L3MBTL4: variants seen among roughly 807,000 people sequenced by gnomAD.
The protein encoded by L3MBTL4 is L3MBTL histone methyl-lysine binding protein 4.
Under a neutral mutation model 84.5 loss-of-function variants are expected in L3MBTL4, and 70 were observed. That is an observed-to-expected ratio of 0.83 (90% CI 0.68 to 1.01). The LOEUF is 1.01. L3MBTL4 is among the 50% of genes least tolerant of loss of function. The pLI is 0.00. For missense variants in L3MBTL4, 715 were observed against 754.8 expected, an observed-to-expected ratio of 0.95 and a Z score of 0.62; for synonymous variants, 274 against 259.8, an observed-to-expected ratio of 1.05 and a Z score of -0.52.
intron 10 of L3MBTL4, among the ~76,000 whole-genome samples, chr18:6,236,398 A>C (rs2047216540): frequency 6.6e-6 from 1 of 152,238 alleles, no homozygotes; most frequent in Admixed American, 6.5e-5. Context: ...CTAGCATGTT[A>C]ATGATGGCAT....
chr18:6,089,465 G>T (rs2058367995), intron 15 of L3MBTL4, among the ~76,000 whole-genome samples: 1 of 152,134 alleles, frequency 6.6e-6, no homozygotes, highest in Non-Finnish European at 1.5e-5. Flanking sequence ...CGCATCATAA[G>T]GTGACTCTGA....
intron 4 of L3MBTL4, among the ~76,000 whole-genome samples, chr18:6,276,654 TA>T (rs60947386): frequency 0.26 from 32,823 of 125,032 alleles, 3,611 homozygotes; most frequent in Middle Eastern, 0.28. Flanking sequence ...AACAAAGCAT[TA>T]AAAAAAAAAA....
intron 14 of L3MBTL4, among the ~76,000 whole-genome samples, chr18:6,122,647 T>C (rs1413292111): frequency 6.6e-6 from 1 of 152,176 alleles, no homozygotes; most frequent in Non-Finnish European, 1.5e-5. Context: ...TTTTGTAAAT[T>C]GCGCAGTCTT....
intron 13 of L3MBTL4, among the ~76,000 whole-genome samples, chr18:6,165,934 C>A (rs545623447): frequency 1.2e-3 from 183 of 152,120 alleles, no homozygotes; most frequent in Middle Eastern, 0.01. Context: ...TTCAGGAAAC[C>A]CATCTCACGT....
chr18:6,172,371 C>T (rs1313034913), intron 12 of L3MBTL4, among the ~76,000 whole-genome samples: 1 of 152,106 alleles, frequency 6.6e-6, no homozygotes, highest in African/African-American at 2.4e-5. Flanking sequence ...GGGAAATACA[C>T]AGATTAGAGT....
At chr18:6,337,054 G>T (rs996377209) in intron 1 of L3MBTL4, among the ~76,000 whole-genome samples, 1 of 152,132 alleles carries the variant, frequency 6.6e-6, no homozygotes, top group Admixed American at 6.5e-5. Context: ...GATTGACATT[G>T]CAGTAATCTG....
chr18:6,164,505 C>T (rs931718620), intron 13 of L3MBTL4, among the ~76,000 whole-genome samples: 8 of 152,214 alleles, frequency 5.3e-5, no homozygotes, highest in Non-Finnish European at 1.2e-4. Context: ...GATCAGGCAG[C>T]AGCATTTGCA....
chr18:6,204,640 A>G lies in L3MBTL4; in HGVS notation c.981+8509T>C, dbSNP rs1270975396. Among the ~76,000 whole-genome samples the G allele has an allele frequency of 2.0e-5, 3 of 152,288 alleles. No homozygotes were observed. The East Asian group carries it at 5.8e-4, about 29-fold the overall frequency. On this transcript the variant is annotated intron_variant, in intron 12 of 18. Coordinates refer to ENST00000317931, the MANE Select transcript of L3MBTL4 (RefSeq NM_001330559.2). Reference sequence around the variant, plus strand: ...GCATTTGGTGTTTGGAAATGCAAATAAAACAAGGCATGTTATATACTTTTT... The same window carrying G: ...GCATTTGGTGTTTGGAAATGCAAATGAAACAAGGCATGTTATATACTTTTT...
intron 16 of L3MBTL4, among the ~76,000 whole-genome samples, chr18:6,021,704 T>C (rs899865795): frequency 5.3e-5 from 8 of 151,988 alleles, no homozygotes; most frequent in African/African-American, 1.7e-4. Context: ...CAAACGGAGG[T>C]AAGTTGAGAA....
At chr18:6,007,349 A>T (rs1048791272) in intron 16 of L3MBTL4, among the ~76,000 whole-genome samples, 3 of 152,102 alleles carry the variant, frequency 2.0e-5, no homozygotes, top group Non-Finnish European at 4.4e-5. Context: ...CATAATACAA[A>T]AACTTACTTG....
At chr18:6,174,995 G>A (rs1341029084) in intron 12 of L3MBTL4, among the ~76,000 whole-genome samples, 2 of 151,942 alleles carry the variant, frequency 1.3e-5, no homozygotes, top group East Asian at 3.9e-4. Flanking sequence ...AGGAATAGTG[G>A]TCAAACAAAA....
intron 16 of L3MBTL4, among the ~76,000 whole-genome samples, chr18:5,977,051 C>T (rs1970646): frequency 0.041 from 6,185 of 152,086 alleles, 260 homozygotes; most frequent in South Asian, 0.2. Context: ...CTTGGGGCTC[C>T]GGCTGTCAGG....
intron 13 of L3MBTL4, among the ~76,000 whole-genome samples, chr18:6,146,359 G>A (rs1294486278): frequency 6.6e-6 from 1 of 152,144 alleles, no homozygotes; most frequent in Non-Finnish European, 1.5e-5. Context: ...AGAAGTCTGA[G>A]GACTGAACTC....
intron 13 of L3MBTL4, among the ~76,000 whole-genome samples, chr18:6,158,608 C>G (rs1422996923): frequency 6.6e-6 from 1 of 152,164 alleles, no homozygotes; most frequent in Non-Finnish European, 1.5e-5. Flanking sequence ...TTCCTTCATG[C>G]TGGCATTGGA....
chr18:6,147,836 C>T (rs2042719795), intron 13 of L3MBTL4, among the ~76,000 whole-genome samples: 1 of 152,240 alleles, frequency 6.6e-6, no homozygotes, highest in Non-Finnish European at 1.5e-5. Flanking sequence ...AGACCACTTC[C>T]TTAATAAAGA....
At chr18:6,290,445 T>A (rs1448853849) in intron 4 of L3MBTL4, among the ~76,000 whole-genome samples, 1 of 152,184 alleles carries the variant, frequency 6.6e-6, no homozygotes, top group Non-Finnish European at 1.5e-5. Context: ...TTCTCTGTAT[T>A]GCTTTTCACA....
At chr18:6,163,890 C>A (rs945729884) in intron 13 of L3MBTL4, among the ~76,000 whole-genome samples, 2 of 152,196 alleles carry the variant, frequency 1.3e-5, no homozygotes, top group Non-Finnish European at 2.9e-5. Context: ...GGCATCAACT[C>A]ACCCGGGAAG....
intron 13 of L3MBTL4, among the ~76,000 whole-genome samples, chr18:6,162,205 T>C (rs2043375615): frequency 6.6e-6 from 1 of 151,978 alleles, no homozygotes; most frequent in South Asian, 2.1e-4. Flanking sequence ...CTAAAGTAAA[T>C]CAATAAAATA....
At chr18:6,109,243 T>G (rs1249963887) in intron 14 of L3MBTL4, among the ~76,000 whole-genome samples, 1 of 152,212 alleles carries the variant, frequency 6.6e-6, no homozygotes, top group Non-Finnish European at 1.5e-5. Context: ...TTTTTAACCA[T>G]GAATTTAGAT....
Sources: gnomAD v4.1 joint callset for allele counts (sites outside exome capture counted in the v4.1 genomes callset) on GRCh38, gnomAD v4.1.1 for gene constraint, MANE v1.5 for transcripts, NCBI Gene and HGNC (gene_info 2026-07-23, HGNC 2026-07-21) for gene names.